RFX4: variants seen among roughly 807,000 people sequenced by gnomAD.
RFX4 encodes the protein regulatory factor X4.
A neutral mutation model predicts 95.0 loss-of-function variants in RFX4; 10 were observed. The ratio of observed to expected loss-of-function variants is 0.11; its 90% CI spans 0.06 to 0.18. The LOEUF (loss-of-function observed/expected upper bound fraction) is 0.18, where lower values mean the gene tolerates loss of function less well. Among genes scored for constraint, RFX4 ranks in the 10% least tolerant of loss-of-function variants. The pLI is 1.00. For missense variants in RFX4, 640 were observed against 922.0 expected, an observed-to-expected ratio of 0.69 and a Z score of 3.96; for synonymous variants, 321 against 340.7, an observed-to-expected ratio of 0.94 and a Z score of 0.64.
chr12:106,639,741 A>G (rs532379435), intron 3 of RFX4, among the ~76,000 whole-genome samples: 39 of 152,364 alleles, frequency 2.6e-4, no homozygotes, highest in African/African-American at 8.7e-4. Flanking sequence ...CCCTTAATTC[A>G]TAATGAATTA....
chr12:106,641,647 T>A (rs1245805430), intron 3 of RFX4, among the ~76,000 whole-genome samples: 1 of 152,102 alleles, frequency 6.6e-6, no homozygotes, highest in Non-Finnish European at 1.5e-5. Flanking sequence ...AGACAGTGAA[T>A]TTTTTTTAAT....
chr12:106,636,602 G>C (rs1035822679), intron 2 of RFX4, among the ~76,000 whole-genome samples: 3 of 152,092 alleles, frequency 2.0e-5, no homozygotes, highest in African/African-American at 4.8e-5. Flanking sequence ...AAGAACTCCA[G>C]GTTGACAAAG....
chr12:106,683,770 C>G (rs1315462059), intron 5 of RFX4: 3 of 152,198 alleles, frequency 2.0e-5, no homozygotes, highest in Non-Finnish European at 2.9e-5. Context: ...ATAGTAAAGA[C>G]ACACAGTAAA....
intron 15 of RFX4, among the ~76,000 whole-genome samples, chr12:106,734,244 T>C (rs1007478601): frequency 6.6e-6 from 1 of 152,162 alleles, no homozygotes; most frequent in Non-Finnish European, 1.5e-5. Flanking sequence ...TGGAGATGGA[T>C]GGCGGTGATG....
chr12:106,680,528 G>T (rs2041484485), intron 4 of RFX4, among the ~76,000 whole-genome samples: 2 of 152,240 alleles, frequency 1.3e-5, no homozygotes, highest in Admixed American at 6.5e-5. Context: ...AGTGAGAGTA[G>T]TGGTGTGGAT....
chr12:106,749,274 A>G (rs1245398723), intron 16 of RFX4, among the ~76,000 whole-genome samples: 1 of 151,482 alleles, frequency 6.6e-6, no homozygotes, highest in East Asian at 1.9e-4. Context: ...AAAAAAAAAA[A>G]AAAGAGAGCT....
intron 8 of RFX4, among the ~76,000 whole-genome samples, chr12:106,696,801 T>A (rs1227656787): frequency 6.6e-6 from 1 of 152,128 alleles, no homozygotes; most frequent in African/African-American, 2.4e-5. Context: ...GCATATAATA[T>A]ACTGTTTTTC....
intron 11 of RFX4, among the ~76,000 whole-genome samples, chr12:106,716,980 G>A (rs921057595): frequency 9.6e-5 from 11 of 115,054 alleles, no homozygotes; most frequent in African/African-American, 3.4e-4. Context: ...TGCTCATATT[G>A]TATTCATGTG....
At chr12:106,679,852 G>A (rs897081673) in intron 4 of RFX4, among the ~76,000 whole-genome samples, 15 of 152,300 alleles carry the variant, frequency 9.8e-5, no homozygotes, top group African/African-American at 3.4e-4. Context: ...AGGTGATGAG[G>A]CCACTAAACC....
rs943228140 is a variant in RFX4, at chr12:106,761,382, G to A, written c.2121G>A (p.Thr707=). ...GTGACATGTATACACCTCTGACAAC[G>A]CGCAGGAATTCTGAATATGAGCACA... ...NSSDMYTPLT[T]RRNSEYEHMQ... Residue 707 remains threonine (T), a synonymous_variant, in exon 18 of 18, where the codon ACG becomes ACA. Coordinates refer to ENST00000392842, the MANE Select transcript of RFX4 (RefSeq NM_213594.3). The A allele has an allele frequency of 4.3e-6, 7 of 1,613,958 alleles. No individual in the cohort carries two copies. Among genetic ancestry groups the A allele is most frequent in the Middle Eastern group, 1.6e-4 (1 of 6,084 alleles).
At chr12:106,662,605 C>A (rs2041096662) in intron 4 of RFX4, among the ~76,000 whole-genome samples, 1 of 152,028 alleles carries the variant, frequency 6.6e-6, no homozygotes, top group Non-Finnish European at 1.5e-5. Context: ...ACGGATTGTG[C>A]CTTTGGTGTT....
chr12:106,738,896 A>G (rs1260727932), intron 15 of RFX4, among the ~76,000 whole-genome samples: 1 of 152,188 alleles, frequency 6.6e-6, no homozygotes, highest in East Asian at 1.9e-4. Context: ...TTAAATTTTC[A>G]TTGAACAATA....
At chr12:106,616,989 C>T (rs1192093124) in intron 2 of RFX4, among the ~76,000 whole-genome samples, 1 of 151,670 alleles carries the variant, frequency 6.6e-6, no homozygotes, top group African/African-American at 2.4e-5. Flanking sequence ...AGGTTGGTCT[C>T]GAACTCCTGG....
chr12:106,610,275 A>C (rs2137207900), intron 2 of RFX4, among the ~76,000 whole-genome samples: 1 of 152,096 alleles, frequency 6.6e-6, no homozygotes, highest in East Asian at 1.9e-4. Context: ...AACATATCTG[A>C]ACATTCTAAG....
At chr12:106,759,017 G>A (rs1436580038) in intron 17 of RFX4, among the ~76,000 whole-genome samples, 1 of 152,044 alleles carries the variant, frequency 6.6e-6, no homozygotes, top group East Asian at 1.9e-4. Context: ...CCAGATGTTG[G>A]GAACATGGTG....
At chr12:106,634,250 C>T (rs1205857621) in intron 2 of RFX4, among the ~76,000 whole-genome samples, 3 of 152,150 alleles carry the variant, frequency 2.0e-5, no homozygotes, top group Non-Finnish European at 4.4e-5. Context: ...GCTCAAGTGC[C>T]GTCTCCTATA....
intron 8 of RFX4, among the ~76,000 whole-genome samples, chr12:106,698,521 G>A (rs9971765): frequency 0.4 from 60,332 of 151,972 alleles, 12,631 homozygotes; most frequent in African/African-American, 0.54. Context: ...TAAAAAATAT[G>A]TTGCTAGATC....
chr12:106,690,583 G>C (rs1263341578), intron 7 of RFX4, among the ~76,000 whole-genome samples: 1 of 152,070 alleles, frequency 6.6e-6, no homozygotes, highest in African/African-American at 2.4e-5. Flanking sequence ...CTGGTTGCTG[G>C]GGGGTGATTC....
intron 1 of RFX4, among the ~76,000 whole-genome samples, chr12:106,606,999 A>G (rs923901695): frequency 6.6e-6 from 1 of 152,170 alleles, no homozygotes; most frequent in Non-Finnish European, 1.5e-5. Flanking sequence ...AAAAACAGAG[A>G]TTAAAATCCT....
Sources: gnomAD v4.1 joint callset for allele counts (sites outside exome capture counted in the v4.1 genomes callset) on GRCh38, gnomAD v4.1.1 for gene constraint, MANE v1.5 for transcripts, NCBI Gene and HGNC (gene_info 2026-07-23, HGNC 2026-07-21) for gene names.